The following FZD3 variants were observed in gnomAD, a reference collection of about 807,000 sequenced individuals.
FZD3 encodes the protein frizzled class receptor 3.
In FZD3, 30 loss-of-function variants were observed where a neutral mutation model predicts 60.7. The ratio of observed to expected loss-of-function variants is 0.49; its 90% CI spans 0.37 to 0.67. The LOEUF is 0.67. Ranked by LOEUF, FZD3 falls within the 30% of genes least tolerant of loss-of-function variation. The pLI, the probability that FZD3 is intolerant of heterozygous loss-of-function variation, is 0.00. For synonymous variants in FZD3, 246 were observed against 275.2 expected (o/e 0.89, Z 1.05); for missense variants, 605 against 838.7 (o/e 0.72, Z 3.44).
At chr8:28,513,875 G>C (rs571441750) in intron 3 of FZD3, among the ~76,000 whole-genome samples, 4 of 152,272 alleles carry the variant, frequency 2.6e-5, no homozygotes, top group Non-Finnish European at 5.9e-5. Context: ...CTTTGACTGG[G>C]TCCCCTCTGC....
chr8:28,546,249 G>C (rs1266933968), intron 5 of FZD3, among the ~76,000 whole-genome samples: 1 of 152,162 alleles, frequency 6.6e-6, no homozygotes, highest in Non-Finnish European at 1.5e-5. Flanking sequence ...TCTACACCTA[G>C]TTGTGTGCTG....
At position 28,527,664 on chromosome 8, in the gene FZD3, G is replaced by A; in HGVS notation, c.904G>A (p.Val302Ile). ...ILYFFTMAGS[V>I]WWVILTITWF... ...CTATTTTTTTACTATGGCTGGCAGTGTATGGTGGGTAATTCTTACCATCAC... is the reference window on the plus strand; with the variant it reads ...CTATTTTTTTACTATGGCTGGCAGTATATGGTGGGTAATTCTTACCATCAC... Residue 302 changes from valine to isoleucine, a missense_variant, in exon 5 of 8, where the codon GTA becomes ATA. By Grantham distance (29) the Val-to-Ile change is conservative. Transcript: ENST00000240093. The surrounding 1 kb of genome is among the most constrained non-coding windows in gnomAD (Gnocchi z 5.0). 1.2e-6 allele frequency: 2 copies of A among 1,614,104 alleles called. No individual in the cohort carries two copies. Among genetic ancestry groups the A allele is most frequent in the Non-Finnish European group, 1.7e-6 (2 of 1,179,994 alleles).
intron 7 of FZD3, among the ~76,000 whole-genome samples, chr8:28,558,831 A>T (rs1387068005): frequency 2.0e-5 from 3 of 152,204 alleles, no homozygotes; most frequent in Non-Finnish European, 4.4e-5. Flanking sequence ...GAAAAGTAAG[A>T]TGTAATTTAT....
intron 3 of FZD3, among the ~76,000 whole-genome samples, chr8:28,513,055 G>A (rs1191436444): frequency 1.3e-5 from 2 of 152,040 alleles, no homozygotes; most frequent in Non-Finnish European, 2.9e-5. Context: ...CTAGCAAAGT[G>A]GCCTAAGAAG....
intron 5 of FZD3, among the ~76,000 whole-genome samples, chr8:28,538,695 C>T (rs1195271299): frequency 6.6e-6 from 1 of 152,030 alleles, no homozygotes; most frequent in African/African-American, 2.4e-5. Flanking sequence ...TTCTTCATCT[C>T]TAAAATTTTA....
rs530178455 is a variant in FZD3, at chr8:28,497,480, A to C, written c.-390-2453A>C. 4.6e-5 allele frequency among the ~76,000 whole-genome samples: 7 copies of C among 152,326 alleles called. No homozygotes were observed. The South Asian group carries it at 1.5e-3, about 32-fold the overall frequency. ...CCTTAAGAAGCTCTTATTTAGAGAT[A>C]GTTATTGCTAATCCTTGCAATGCGT... On this transcript the variant is annotated intron_variant, in intron 1 of 7. Transcript: ENST00000240093.
chr8:28,523,060 G>A (rs938966907), intron 4 of FZD3, among the ~76,000 whole-genome samples: 5 of 151,864 alleles, frequency 3.3e-5, no homozygotes, highest in Non-Finnish European at 7.4e-5. Context: ...GTGAGCCACC[G>A]TGCCCAGCCT....
chr8:28,564,865 A>G lies in FZD3; in HGVS notation c.*1854A>G, dbSNP rs1805679470. The G allele has an allele frequency of 6.6e-6, 1 of 152,242 alleles. No individual in the cohort carries two copies. Among genetic ancestry groups the G allele is most frequent in the Admixed American group, 6.5e-5 (1 of 15,280 alleles). The allele number at this position is 152,242 out of a possible 1,614,324, so 9.4% of individuals were successfully genotyped here. On this transcript the variant is annotated 3_prime_UTR_variant, in exon 8 of 8. Coordinates refer to ENST00000240093, the MANE Select transcript of FZD3 (RefSeq NM_017412.4). ...TCCCTTGTTTGTAAATGAAGATAGA[A>G]GATAAATACGTACTCTACCTACCTC...
At chr8:28,525,367 G>T (rs1289388138) in intron 4 of FZD3, among the ~76,000 whole-genome samples, 1 of 152,132 alleles carries the variant, frequency 6.6e-6, no homozygotes. Flanking sequence ...GAGAGCAGAG[G>T]GATTCTATTT....
At chr8:28,538,392 C>A (rs1002153933) in intron 5 of FZD3, among the ~76,000 whole-genome samples, 1 of 152,098 alleles carries the variant, frequency 6.6e-6, no homozygotes, top group African/African-American at 2.4e-5. Context: ...CTATGCTCAA[C>A]AATTTACACA....
chr8:28,535,222 C>CT (rs527735924), intron 5 of FZD3, among the ~76,000 whole-genome samples: 36 of 151,156 alleles, frequency 2.4e-4, no homozygotes, highest in South Asian at 1.5e-3. Context: ...GTTTCACTGG[C>CT]TTTTTTTTTC....
chr8:28,554,089 A>C (rs1057270246), intron 6 of FZD3, among the ~76,000 whole-genome samples: 1 of 152,246 alleles, frequency 6.6e-6, no homozygotes, highest in Non-Finnish European at 1.5e-5. Flanking sequence ...TAATCAAATT[A>C]ATGTTCTCCC....
rs1805795439 is a variant in FZD3, at chr8:28,570,887, G to A, written c.*7876G>A. 6.6e-6 allele frequency: 1 copy of A among 151,802 alleles called. No individual in the cohort carries two copies. Among genetic ancestry groups the A allele is most frequent in the Non-Finnish European group, 1.5e-5 (1 of 67,996 alleles). The allele number at this position is 151,802 out of a possible 1,614,324, so 9.4% of individuals were successfully genotyped here. A position where few individuals can be genotyped will look rare whatever the true frequency, so the allele number is the denominator to read the frequency against. ...AGGAAGGTATACTGGTTTCTGGTGT[G>A]ATTCTTTAGCTACATTTATTCCTTG... On this transcript the variant is annotated 3_prime_UTR_variant, in exon 8 of 8. Coordinates refer to ENST00000240093, the MANE Select transcript of FZD3 (RefSeq NM_017412.4).
intron 1 of FZD3, among the ~76,000 whole-genome samples, chr8:28,495,638 A>C (rs1227655573): frequency 2.0e-5 from 3 of 151,952 alleles, no homozygotes; most frequent in Non-Finnish European, 4.4e-5. Context: ...AGAAGTGGTT[A>C]CTCCTGAAGA....
In FZD3 at chr8:28,551,766, A is replaced by G; in HGVS notation, c.1553+15A>G. On this transcript the variant is annotated intron_variant, in intron 6 of 7. Coordinates refer to ENST00000240093, the MANE Select transcript of FZD3 (RefSeq NM_017412.4). ...AGGAAAAAAGAGTAAGTTGAAATAA[A>G]TGATCACAGTGTTCACAAACCTCAC... The G allele has an allele frequency of 6.3e-7, 1 of 1,592,726 alleles. No homozygotes were observed. Among genetic ancestry groups the G allele is most frequent in the South Asian group, 1.2e-5 (1 of 86,660 alleles).
At position 28,496,396 on chromosome 8, in the gene FZD3, C is replaced by A. The variant is rs182510642; in HGVS notation, c.-391+2053C>A. On this transcript the variant is annotated intron_variant, in intron 1 of 7. Transcript: ENST00000240093. Reference sequence around the variant, plus strand: ...TAGTAGGAAACAATTCTTACCACTTCTTTGAGCGGTTTTGGCCTCAAGTTT... The same window carrying A: ...TAGTAGGAAACAATTCTTACCACTTATTTGAGCGGTTTTGGCCTCAAGTTT... 2.5e-3 allele frequency among the ~76,000 whole-genome samples: 380 copies of A among 152,264 alleles called. 3 individuals are homozygous for A. The highest frequency in any genetic ancestry group is 2.4e-3 in the Non-Finnish European group (162 of 68,002).
intron 4 of FZD3, among the ~76,000 whole-genome samples, chr8:28,521,459 A>T (rs544880293): frequency 6.6e-6 from 1 of 152,282 alleles, no homozygotes; most frequent in East Asian, 1.9e-4. Context: ...ATAAAGAATA[A>T]GGTGAATACT....
At chr8:28,529,718 A>C (rs1804812866) in intron 5 of FZD3, among the ~76,000 whole-genome samples, 2 of 152,178 alleles carry the variant, frequency 1.3e-5, no homozygotes, top group Admixed American at 6.5e-5. Flanking sequence ...ACTTTTTAAA[A>C]AATAAACCAA....
chr8:28,556,920 G>A (rs954251509), intron 7 of FZD3, among the ~76,000 whole-genome samples: 1 of 152,304 alleles, frequency 6.6e-6, no homozygotes, highest in Admixed American at 6.5e-5. Context: ...TTAAATTTGA[G>A]AAATGAGACA....
Sources: gnomAD v4.1 joint callset for allele counts (sites outside exome capture counted in the v4.1 genomes callset) on GRCh38, gnomAD v4.1.1 for gene constraint, Gnocchi (gnomAD v3.1) non-coding constraint, MANE v1.5 for transcripts, NCBI Gene and HGNC (gene_info 2026-07-23, HGNC 2026-07-21) for gene names.